Variants in PCDHGB2 observed in about 807,000 individuals in gnomAD.
The protein encoded by PCDHGB2 is protocadherin gamma-B2.
A neutral mutation model predicts 59.3 loss-of-function variants in PCDHGB2; 55 were observed. The ratio of observed to expected loss-of-function variants is 0.93; its 90% CI spans 0.75 to 1.16. The LOEUF is 1.16. Among genes scored for constraint, PCDHGB2 ranks in the 50% most tolerant of loss-of-function variants. PCDHGB2 has a pLI of 0.00. For synonymous variants in PCDHGB2, 516 were observed against 512.0 expected (o/e 1.01, Z -0.11); for missense variants, 1,228 against 1,198.5 (o/e 1.02, Z -0.36).
At position 141,489,295 on chromosome 5, in the gene PCDHGB2, T is replaced by C. The variant is rs2099685128; in HGVS notation, c.2422-5512T>C. 1.3e-6 allele frequency: 2 copies of C among 1,581,054 alleles called. No individual in the cohort carries two copies. The highest frequency in any genetic ancestry group is 1.7e-5 in the Admixed American group (1 of 57,148). ...TGGGAAATGGCAAGTGCTGTGCATG[T>C]TGTCCTTGTGCTGCTGGGGCTGGGT... On this transcript the variant is annotated intron_variant, in intron 1 of 3. Transcript: ENST00000522605. The surrounding 1 kb of genome is among the most constrained non-coding windows in gnomAD (Gnocchi z 4.5).
chr5:141,479,631 A>G (rs191955216), intron 1 of PCDHGB2: 1 of 152,282 alleles, frequency 6.6e-6, no homozygotes, highest in Non-Finnish European at 1.5e-5. Context: ...TCTCTTTAAC[A>G]ATAACAACAA....
At position 141,362,567 on chromosome 5, in the gene PCDHGB2, ATTAAT is replaced by A; in HGVS notation, c.2421+15_2421+19del. 1 of 1,607,936 alleles carries A rather than the reference ATTAAT, an allele frequency of 6.2e-7. No individual in the cohort carries two copies. The highest frequency in any genetic ancestry group is 8.5e-7 in the Non-Finnish European group (1 of 1,177,078). ...GATACTATTTTGAAGGTGAGCTTTA[ATTAAT>A]TTATTTTCACTTCTGGTTTTATTGT... On this transcript the variant is annotated intron_variant, in intron 1 of 3. Coordinates refer to ENST00000522605, the MANE Select transcript of PCDHGB2 (RefSeq NM_018923.3).
chr5:141,496,621 CA>C (rs2099769988), intron 2 of PCDHGB2, among the ~76,000 whole-genome samples: 1 of 152,332 alleles, frequency 6.6e-6, no homozygotes, highest in Non-Finnish European at 1.5e-5. Flanking sequence ...AGCAGCAGAT[CA>C]AAAGGCTTGG....
intron 1 of PCDHGB2, chr5:141,366,547 C>T: frequency 6.2e-7 from 1 of 1,614,240 alleles, no homozygotes; most frequent in Non-Finnish European, 8.5e-7. Flanking sequence ...CCGCCTCGCA[C>T]TTTGTGGGCG....
intron 1 of PCDHGB2, chr5:141,400,208 T>G: frequency 6.2e-7 from 1 of 1,614,042 alleles, no homozygotes; most frequent in South Asian, 1.1e-5. Context: ...GCCTTGGCCT[T>G]GATCTCAGTG....
At chr5:141,446,202 G>T (rs780900822) in intron 1 of PCDHGB2, among the ~76,000 whole-genome samples, 13 of 152,094 alleles carry the variant, frequency 8.5e-5, no homozygotes, top group Non-Finnish European at 1.8e-4. Context: ...ATATTCCTAG[G>T]TGTCTGAAAA....
Position 141,387,745 on chromosome 5 carries a change from C to T in PCDHGB2, c.2421+25189C>T, listed in dbSNP as rs933790239. On this transcript the variant is annotated intron_variant, in intron 1 of 3. Coordinates refer to ENST00000522605, the MANE Select transcript of PCDHGB2 (RefSeq NM_018923.3). ...CCCAGCGCCAGCCTTTACACCGCTT[C>T]CTCCTCGGAAAAAGAAGAATTTTTT... 4 of 1,355,066 alleles carry T rather than the reference C, an allele frequency of 3.0e-6. No homozygotes were observed. In the Admixed American group the frequency reaches 8.1e-5, roughly 28 times the overall value. 83.9% of individuals were successfully genotyped at this position (1,355,066 alleles called of 1,614,324 possible).
chr5:141,433,062 T>G (rs1371087184), intron 1 of PCDHGB2: 1 of 1,614,074 alleles, frequency 6.2e-7, no homozygotes, highest in Non-Finnish European at 8.5e-7. Context: ...AAGAGTCACC[T>G]GATCTTCCCC....
chr5:141,422,406 T>C, intron 1 of PCDHGB2: 1 of 1,601,224 alleles, frequency 6.2e-7, no homozygotes, highest in South Asian at 1.1e-5. Context: ...ACCTGCCTTT[T>C]AAATTAGAAA....
intron 1 of PCDHGB2, chr5:141,418,910 T>C: frequency 6.2e-7 from 1 of 1,613,936 alleles, no homozygotes; most frequent in East Asian, 2.2e-5. Flanking sequence ...AATCATCACG[T>C]CACTCTCTGA....
chr5:141,491,483 A>ACCTGCAGGTGAGCTCGG lies in PCDHGB2; in HGVS notation c.2422-3323_2422-3307dup. The ACCTGCAGGTGAGCTCGG allele has an allele frequency of 3.1e-6, 5 of 1,614,018 alleles. No individual in the cohort carries two copies. The highest frequency in any genetic ancestry group is 4.2e-6 in the Non-Finnish European group (5 of 1,180,012). ...GACTTCTATAAGCAGTCCAGCCCCAACCTGCAGGTGAGCTCGGACGGCACG... is the reference window on the plus strand; with the variant it reads ...GACTTCTATAAGCAGTCCAGCCCCAACCTGCAGGTGAGCTCGGCCTGCAGGTGAGCTCGGACGGCACG... On this transcript the variant is annotated intron_variant, in intron 1 of 3. Coordinates refer to ENST00000522605, the MANE Select transcript of PCDHGB2 (RefSeq NM_018923.3). The surrounding 1 kb of genome is among the most constrained non-coding windows in gnomAD (Gnocchi z 6.9).
chr5:141,475,008 T>C (rs1292437400), intron 1 of PCDHGB2, among the ~76,000 whole-genome samples: 1 of 152,258 alleles, frequency 6.6e-6, no homozygotes, highest in Admixed American at 6.5e-5. Flanking sequence ...TGCAGAAAAG[T>C]TAAGGCTCTT....
rs766795269 is a variant in PCDHGB2, at chr5:141,394,804, T to C, written c.2421+32248T>C. Reference sequence around the variant, plus strand: ...GCCACTGTCACGCTCACCGTAGCCGTGGCTGACAGCATCCCCGAAGTCCTG... The same window carrying C: ...GCCACTGTCACGCTCACCGTAGCCGCGGCTGACAGCATCCCCGAAGTCCTG... On this transcript the variant is annotated intron_variant, in intron 1 of 3. Coordinates refer to ENST00000522605, the MANE Select transcript of PCDHGB2 (RefSeq NM_018923.3). 8 of 1,613,850 alleles carry C rather than the reference T, an allele frequency of 5.0e-6. No individual in the cohort carries two copies. In the South Asian group the frequency reaches 6.6e-5, roughly 13 times the overall value.
At chr5:141,428,189 C>G in intron 1 of PCDHGB2, 1 of 1,429,262 alleles carries the variant, frequency 7.0e-7, no homozygotes, top group African/African-American at 1.4e-5. Flanking sequence ...ACAGCCGCCG[C>G]TCTCTGCGCC....
chr5:141,374,747 C>G, intron 1 of PCDHGB2: 1 of 1,612,140 alleles, frequency 6.2e-7, no homozygotes, highest in Non-Finnish European at 8.5e-7. Flanking sequence ...CGACCCTGTC[C>G]GCTCAAGCGT....
chr5:141,371,824 C>G, intron 1 of PCDHGB2: 1 of 1,613,844 alleles, frequency 6.2e-7, no homozygotes, highest in Non-Finnish European at 8.5e-7. Flanking sequence ...GTCAGAGCCT[C>G]GGATCCCGAC....
chr5:141,505,190 G>A (rs1326515866), intron 2 of PCDHGB2, among the ~76,000 whole-genome samples: 1 of 152,186 alleles, frequency 6.6e-6, no homozygotes, highest in East Asian at 1.9e-4. Flanking sequence ...ATCGGAGGCA[G>A]CAAAGAGCTG....
chr5:141,452,172 T>G (rs1338447268), intron 1 of PCDHGB2, among the ~76,000 whole-genome samples: 1 of 152,206 alleles, frequency 6.6e-6, no homozygotes, highest in Non-Finnish European at 1.5e-5. Flanking sequence ...TTACTAACAT[T>G]TTTTATTTTG....
rs772637812 is a variant in PCDHGB2 at position 141,408,685 on chromosome 5, TATAAAC to T, written c.2421+46136_2421+46141del. On this transcript the variant is annotated intron_variant, in intron 1 of 3. Transcript: ENST00000522605. ...CGCTTGACCCTGCCACGGATCCTGA[TATAAAC>T]ATAAACTCAATTAAAGATTATAAGA... 8 of 1,613,994 alleles carry T rather than the reference TATAAAC, an allele frequency of 5.0e-6. No individual in the cohort carries two copies. The Admixed American group carries it at 1.0e-4, about 20-fold the overall frequency.
Sources: gnomAD v4.1 joint callset for allele counts (sites outside exome capture counted in the v4.1 genomes callset) on GRCh38, gnomAD v4.1.1 for gene constraint, Gnocchi (gnomAD v3.1) non-coding constraint, MANE v1.5 for transcripts, NCBI Gene and HGNC (gene_info 2026-07-23, HGNC 2026-07-21) for gene names.